The following GOSR2 variants were observed in gnomAD, a reference collection of about 807,000 sequenced individuals.
GOSR2 encodes the protein 27 kDa Golgi SNARE protein.
Under a neutral mutation model 27.9 loss-of-function variants are expected in GOSR2, and 20 were observed. The ratio of observed to expected loss-of-function variants is 0.72; its 90% CI spans 0.50 to 1.04. The LOEUF (loss-of-function observed/expected upper bound fraction) is 1.04. Among genes scored for constraint, GOSR2 ranks in the 50% least tolerant of loss-of-function variants. The pLI, the probability that GOSR2 is intolerant of heterozygous loss-of-function variation, is 0.00. For synonymous variants in GOSR2, 91 were observed against 98.8 expected (o/e 0.92, Z 0.47); for missense variants, 261 against 270.5 (o/e 0.97, Z 0.25).
At chr17:46,930,876 G>T (rs1258566130) in intron 2 of GOSR2, 11 of 477,022 alleles carry the variant, frequency 2.3e-5, no homozygotes, top group Non-Finnish European at 3.7e-5. Context: ...TAAAAAATTG[G>T]CATTGTTATG....
intron 6 of GOSR2, among the ~76,000 whole-genome samples, chr17:46,956,393 C>T (rs575661987): frequency 4.8e-5 from 7 of 146,782 alleles, no homozygotes; most frequent in African/African-American, 1.3e-4. Context: ...CGGGTTCAAG[C>T]GATTCTCCTG....
chr17:46,929,631 G>T (rs1371565518), intron 2 of GOSR2, 47 bp downstream of exon 2: 23 of 926,364 alleles, frequency 2.5e-5, no homozygotes, highest in Non-Finnish European at 4.0e-5. Context: ...TGATGACAGG[G>T]TGCTAATGGG....
At chr17:46,927,295 TGCTGCA>T (rs2086635987) in intron 1 of GOSR2, among the ~76,000 whole-genome samples, 1 of 152,252 alleles carries the variant, frequency 6.6e-6, no homozygotes, top group Non-Finnish European at 1.5e-5. Context: ...CTTTGTTATC[TGCTGCA>T]GATACCCTCC....
At chr17:46,950,331 G>A (rs1444841212) in intron 6 of GOSR2, among the ~76,000 whole-genome samples, 5 of 152,190 alleles carry the variant, frequency 3.3e-5, no homozygotes, top group Non-Finnish European at 7.3e-5. Flanking sequence ...TGGCTGAGGA[G>A]GTGGCAGAGG....
chr17:46,934,369 GAAAA>G (rs927926733), intron 4 of GOSR2, among the ~76,000 whole-genome samples: 22 of 152,180 alleles, frequency 1.4e-4, no homozygotes, highest in Non-Finnish European at 2.5e-4. Flanking sequence ...AAGAAAGAAA[GAAAA>G]AAGCTGGGCA....
chr17:46,932,576 G>A (rs2087566679), intron 4 of GOSR2: 6 of 469,726 alleles, frequency 1.3e-5, no homozygotes, highest in Middle Eastern at 5.5e-4. Context: ...AGCTGCCTGC[G>A]GGCAGTTGCC....
intron 4 of GOSR2, among the ~76,000 whole-genome samples, chr17:46,934,415 A>G (rs1782066265): frequency 6.6e-6 from 1 of 152,172 alleles, no homozygotes; most frequent in Admixed American, 6.5e-5. Flanking sequence ...CCAGCTACTC[A>G]GAAGGCTGAG....
At chr17:46,971,866 A>T (rs1254626842), downstream of GOSR2, among the ~76,000 whole-genome samples, 3 of 152,190 alleles carry the variant, frequency 2.0e-5, no homozygotes, top group South Asian at 6.2e-4. Flanking sequence ...GTTCTGGGCC[A>T]CACCTGTTGG....
chr17:46,962,923 A>G (rs984195596), intron 6 of GOSR2, among the ~76,000 whole-genome samples: 20 of 152,254 alleles, frequency 1.3e-4, no homozygotes, highest in African/African-American at 4.8e-4. Context: ...TTCATCAATG[A>G]TGTGATTTAA....
chr17:46,946,021 G>A (rs1305677931), downstream of GOSR2, among the ~76,000 whole-genome samples: 2 of 152,142 alleles, frequency 1.3e-5, no homozygotes, highest in East Asian at 3.9e-4. Context: ...AGGGGCCCTG[G>A]GAGACCCTTG....
downstream of GOSR2, among the ~76,000 whole-genome samples, chr17:46,969,111 C>A (rs1302709788): frequency 6.6e-6 from 1 of 152,186 alleles, no homozygotes; most frequent in Non-Finnish European, 1.5e-5. Context: ...CCAGGAGAAG[C>A]GGAAGCCGAT....
At chr17:46,965,517 G>A (rs890570291) in intron 6 of GOSR2, among the ~76,000 whole-genome samples, 2 of 152,176 alleles carry the variant, frequency 1.3e-5, no homozygotes, top group African/African-American at 4.8e-5. Context: ...TGTGGACTGT[G>A]GGCTTCCCCC....
chr17:46,946,625 G>C (rs1204995024), downstream of GOSR2, among the ~76,000 whole-genome samples: 1 of 152,168 alleles, frequency 6.6e-6, no homozygotes, highest in Admixed American at 6.5e-5. Flanking sequence ...CACTTTGGGA[G>C]GCCAAAGCAG....
intron 1 of GOSR2, chr17:46,924,454 T>C (rs1568158556): frequency 6.6e-6 from 1 of 152,250 alleles, no homozygotes; most frequent in East Asian, 1.9e-4. Context: ...TAGTTTCTCT[T>C]CTCAATTTTT....
chr17:46,931,079 C>T lies in GOSR2; in HGVS notation c.95-20C>T. 1 of 1,260,982 alleles carries T rather than the reference C, an allele frequency of 7.9e-7. No individual in the cohort carries two copies. Among genetic ancestry groups the T allele is most frequent in the Non-Finnish European group, 1.2e-6 (1 of 859,026 alleles). 78.1% of individuals were successfully genotyped at this position (1,260,982 alleles called of 1,614,324 possible). Reference sequence around the variant, plus strand: ...CACTATCTCTTTTCCAGCAATTATTCTTTTTTCTTTTTTGTACAGTAGTAG... The same window carrying T: ...CACTATCTCTTTTCCAGCAATTATTTTTTTTTCTTTTTTGTACAGTAGTAG... On this transcript the variant is annotated intron_variant, in intron 2 of 5. Coordinates refer to ENST00000640051, the MANE Select transcript of GOSR2 (RefSeq NM_004287.5).
chr17:46,968,290 T>C (rs2147338074), downstream of GOSR2, among the ~76,000 whole-genome samples: 1 of 152,314 alleles, frequency 6.6e-6, no homozygotes, highest in African/African-American at 2.4e-5. Context: ...CTCCGCACTG[T>C]GGACACCCCT....
chr17:46,929,460 C>G lies in GOSR2; in HGVS notation c.30-60C>G, dbSNP rs913903463. 6 of 872,848 alleles carry G rather than the reference C, an allele frequency of 6.9e-6. No homozygotes were observed. In the Admixed American group the frequency reaches 8.5e-5, roughly 12 times the overall value. 54.1% of individuals were successfully genotyped at this position (872,848 alleles called of 1,614,324 possible). On this transcript the variant is annotated intron_variant, in intron 1 of 5. Coordinates refer to ENST00000640051, the MANE Select transcript of GOSR2 (RefSeq NM_004287.5). Reference sequence around the variant, plus strand: ...GTTGGCATCAGAAAAATTGTCTTTCCTGACTGAAGCGCTGTTGATTACTCC... The same window carrying G: ...GTTGGCATCAGAAAAATTGTCTTTCGTGACTGAAGCGCTGTTGATTACTCC...
Position 46,941,609 on chromosome 17 carries a change from T to A in GOSR2, c.*2849T>A. The stretch of plus-strand genomic sequence containing the variant: ...TTTTATTTTTGAGACAGTCTCGCTC[T>A]GTCACCCAGGCTGGAGTGCAGTGGC... On this transcript the variant is annotated 3_prime_UTR_variant, in exon 6 of 6. Coordinates refer to ENST00000640051, the MANE Select transcript of GOSR2 (RefSeq NM_004287.5). 1 of 203,806 alleles carries A rather than the reference T, an allele frequency of 4.9e-6. No individual in the cohort carries two copies. Among genetic ancestry groups the A allele is most frequent in the Non-Finnish European group, 8.7e-6 (1 of 115,186 alleles). 12.6% of individuals were successfully genotyped at this position (203,806 alleles called of 1,614,324 possible).
Position 46,940,848 on chromosome 17 carries a change from C to T in GOSR2, c.*2088C>T, listed in dbSNP as rs1379546260. On this transcript the variant is annotated 3_prime_UTR_variant, in exon 6 of 6. Transcript: ENST00000640051. The stretch of plus-strand genomic sequence containing the variant: ...GTGGACAGCAGCCAGTGTGTCTGGA[C>T]ACCCAGGGGCATTGAGACTGCATGT... The T allele has an allele frequency of 4.2e-6, 6 of 1,442,708 alleles. No homozygotes were observed. Among genetic ancestry groups the T allele is most frequent in the Non-Finnish European group, 5.5e-6 (6 of 1,100,286 alleles). The allele number at this position is 1,442,708 out of a possible 1,614,324, so 89.4% of individuals were successfully genotyped here.
Sources: gnomAD v4.1 joint callset for allele counts (sites outside exome capture counted in the v4.1 genomes callset) on GRCh38, gnomAD v4.1.1 for gene constraint, MANE v1.5 for transcripts, NCBI Gene and HGNC (gene_info 2026-07-23, HGNC 2026-07-21) for gene names.